NFX1: variants seen among roughly 807,000 people sequenced by gnomAD.
NFX1 encodes the protein nuclear transcription factor, X-box binding 1, also known as transcriptional repressor NF-X1.
NFX1 carries 69 observed loss-of-function variants against 137.2 expected under a neutral mutation model. That is an observed-to-expected ratio of 0.50 (90% CI 0.41 to 0.61). The LOEUF is 0.61. Among genes scored for constraint, NFX1 ranks in the 20% least tolerant of loss-of-function variants. The probability of loss-of-function intolerance (pLI) is 0.00; values close to 1 mark genes in which losing one functional copy is unlikely to be tolerated. For missense variants in NFX1, 1,167 were observed against 1,391.0 expected (o/e 0.84, Z 2.56); for synonymous variants, 495 against 474.1 (o/e 1.04, Z -0.57).
intron 23 of NFX1, among the ~76,000 whole-genome samples, chr9:33,369,250 A>G (rs2118716335): frequency 6.6e-6 from 1 of 152,182 alleles, no homozygotes; most frequent in Non-Finnish European, 1.5e-5. Flanking sequence ...TATTTTTAGT[A>G]GAAACGGGGT....
intron 5 of NFX1, among the ~76,000 whole-genome samples, chr9:33,309,770 G>A (rs1821897798): frequency 6.6e-6 from 1 of 152,174 alleles, no homozygotes; most frequent in African/African-American, 2.4e-5. Context: ...TGAGAGTACA[G>A]GCATGAGCCA....
chr9:33,348,754 A>G, intron 15 of NFX1: 1 of 984,970 alleles, frequency 1.0e-6, no homozygotes, highest in Non-Finnish European at 1.2e-6. Flanking sequence ...AGTTGAGAAG[A>G]TTTAATTCTG....
At position 33,307,290 on chromosome 9, in the gene NFX1, C is replaced by G; in HGVS notation, c.1367C>G (p.Ser456Cys). The change falls in exon 5 of 24, where the codon TCC becomes TGC. Residue 456 changes from serine (S) to cysteine (C), a missense_variant. Physicochemically the swap from Ser to Cys is moderately radical, Grantham distance 112 (BLOSUM62 -1). This residue lies in a region of NFX1 where 488 missense variants were observed against 691.5 expected (regional missense o/e 0.71). Transcript: ENST00000379540. ...KKQPGQDCPHSCNLLCHPGPC... is the reference protein window; with the variant it reads ...KKQPGQDCPHCCNLLCHPGPC... ...CAGCCTGGCCAGGACTGCCCACATT[C>G]CTGTAACCTGTAAGTTGGAATGCTA... 6.2e-7 allele frequency: 1 copy of G among 1,613,278 alleles called. No homozygotes were observed. The highest frequency in any genetic ancestry group is 8.5e-7 in the Non-Finnish European group (1 of 1,179,412).
intron 4 of NFX1, among the ~76,000 whole-genome samples, chr9:33,305,660 A>G (rs1366370707): frequency 1.3e-5 from 2 of 152,222 alleles, no homozygotes; most frequent in African/African-American, 2.4e-5. Context: ...GTGTGATAGA[A>G]AAATATGGTG....
At chr9:33,337,089 C>T (rs569586912) in intron 11 of NFX1, among the ~76,000 whole-genome samples, 2 of 152,284 alleles carry the variant, frequency 1.3e-5, no homozygotes, top group South Asian at 4.2e-4. Flanking sequence ...GTTGGCCAGG[C>T]TGGTCTCAAA....
intron 11 of NFX1, among the ~76,000 whole-genome samples, chr9:33,336,432 T>C (rs1372900954): frequency 6.6e-6 from 1 of 152,116 alleles, no homozygotes; most frequent in African/African-American, 2.4e-5. Flanking sequence ...GTCAGGCTGG[T>C]CTCGAACTCC....
intron 5 of NFX1, among the ~76,000 whole-genome samples, chr9:33,309,179 A>C (rs545321644): frequency 3.3e-5 from 5 of 152,226 alleles, no homozygotes; most frequent in African/African-American, 1.2e-4. Flanking sequence ...AAGACGGTGC[A>C]ACCCTGTCTC....
At chr9:33,331,175 A>T (rs527265436) in intron 10 of NFX1, among the ~76,000 whole-genome samples, 58 of 152,226 alleles carry the variant, frequency 3.8e-4, no homozygotes, top group African/African-American at 1.3e-3. Context: ...AAAAAAAAAT[A>T]AAAAAAATAA....
chr9:33,305,830 A>G (rs1012802638), intron 4 of NFX1, among the ~76,000 whole-genome samples: 2 of 152,238 alleles, frequency 1.3e-5, no homozygotes, highest in Admixed American at 1.3e-4. Flanking sequence ...AGCAGAACAT[A>G]CAGTGAAATA....
chr9:33,338,160 G>C (rs1823080861), intron 11 of NFX1, among the ~76,000 whole-genome samples: 1 of 151,828 alleles, frequency 6.6e-6, no homozygotes, highest in Admixed American at 6.6e-5. Flanking sequence ...TTAAAGACCA[G>C]TTTGGACAAC....
At position 33,364,039 on chromosome 9, in the gene NFX1, A is replaced by G. The variant is rs1397381843; in HGVS notation, c.2903A>G (p.Glu968Gly). Residue 968 changes from glutamate (E) to glycine (G), a missense_variant, in exon 20 of 24, where the codon GAG (glutamate) becomes GGG (glycine). Glu to Gly is a moderately conservative substitution (Grantham distance 98). Coordinates refer to ENST00000379540, the MANE Select transcript of NFX1 (RefSeq NM_002504.6). ...TTAGCAGAGGCATTTCATATCAGTG[A>G]GGATTCTGATCCTTTCAATATACGT... ...KRLAEAFHIS[E>G]DSDPFNIRSS... 6.3e-7 allele frequency: 1 copy of G among 1,597,080 alleles called. No individual in the cohort carries two copies. Among genetic ancestry groups the G allele is most frequent in the Non-Finnish European group, 8.5e-7 (1 of 1,172,654 alleles).
chr9:33,310,512 A>C (rs1037307989), intron 5 of NFX1, among the ~76,000 whole-genome samples: 1 of 152,108 alleles, frequency 6.6e-6, no homozygotes, highest in Non-Finnish European at 1.5e-5. Flanking sequence ...GCTAATTCTG[A>C]CCTATAGCAT....
In NFX1 at chr9:33,295,153, C is replaced by T. The variant is rs144229739; in HGVS notation, c.759C>T (p.Ala253=). 53 of 1,613,978 alleles carry T rather than the reference C, an allele frequency of 3.3e-5. No individual in the cohort carries two copies. In the African/African-American group the frequency reaches 6.9e-4, roughly 21 times the overall value. The change falls in exon 2 of 24, where the codon GCC becomes GCT. Residue 253 remains alanine, a synonymous_variant. Coordinates refer to ENST00000379540, the MANE Select transcript of NFX1 (RefSeq NM_002504.6). ...GGCCTCCCTGGGAAGTGGAGGGGGC[C>T]AGGCCACGACCAGGCAGAAATCCAC... ...QKRPPWEVEG[A]RPRPGRNPPK...
chr9:33,332,396 C>G, intron 10 of NFX1, 76 bp from the exon 11 acceptor site: 1 of 1,362,640 alleles, frequency 7.3e-7, no homozygotes, highest in East Asian at 2.3e-5. Flanking sequence ...ATTCTTGTTA[C>G]CTATGGCATT....
At chr9:33,359,455 C>A (rs758297806) in intron 19 of NFX1, among the ~76,000 whole-genome samples, 1 of 152,012 alleles carries the variant, frequency 6.6e-6, no homozygotes, top group African/African-American at 2.4e-5. Context: ...AAAAATTAGC[C>A]GGGCATGGTG....
intron 19 of NFX1, among the ~76,000 whole-genome samples, chr9:33,362,190 A>G (rs941949775): frequency 1.3e-5 from 2 of 152,116 alleles, no homozygotes; most frequent in African/African-American, 2.4e-5. Flanking sequence ...GTAAATTAGT[A>G]CAGCCACTAT....
intron 19 of NFX1, among the ~76,000 whole-genome samples, chr9:33,361,515 G>A (rs1446391932): frequency 2.6e-5 from 4 of 152,078 alleles, no homozygotes; most frequent in African/African-American, 9.7e-5. Context: ...GCTCACACCC[G>A]TAATCCCAGC....
chr9:33,313,072 TC>T (rs1822021398), intron 6 of NFX1, among the ~76,000 whole-genome samples: 1 of 152,136 alleles, frequency 6.6e-6, no homozygotes, highest in African/African-American at 2.4e-5. Flanking sequence ...ATAGCTGTCC[TC>T]CCGTCTGTAA....
chr9:33,363,875 C>T (rs1824089018), intron 19 of NFX1, 135 bp from the exon 20 acceptor site: 1 of 508,970 alleles, frequency 2.0e-6, no homozygotes, highest in Non-Finnish European at 3.4e-6. Context: ...TTGTTATTCT[C>T]TCCTTAATAA....
Sources: gnomAD v4.1 joint callset for allele counts (sites outside exome capture counted in the v4.1 genomes callset) on GRCh38, gnomAD v4.1.1 for gene constraint, gnomAD v4.1.1 regional missense constraint, MANE v1.5 for transcripts, NCBI Gene and HGNC (gene_info 2026-07-23, HGNC 2026-07-21) for gene names.